NR3C2: variants seen among roughly 807,000 people sequenced by gnomAD.
NR3C2 encodes nuclear receptor subfamily 3 group C member 2.
NR3C2 carries 15 observed loss-of-function variants against 86.4 expected under a neutral mutation model. That is an observed-to-expected ratio of 0.17 (90% CI 0.12 to 0.27). The LOEUF is 0.27. Ranked by LOEUF, NR3C2 falls within the 10% of genes least tolerant of loss-of-function variation. NR3C2 has a pLI of 1.00. For synonymous variants in NR3C2, 458 were observed against 450.5 expected, an observed-to-expected ratio of 1.02 and a Z score of -0.21; for missense variants, 960 against 1,195.6, an observed-to-expected ratio of 0.80 and a Z score of 2.91.
chr4:148,330,560 T>G (rs139801700), intron 2 of NR3C2, among the ~76,000 whole-genome samples: 1,996 of 152,332 alleles, frequency 0.013, 81 homozygotes, highest in Admixed American at 0.093. Flanking sequence ...TCACTGATTT[T>G]AATAAATAAA....
chr4:148,153,889 G>T (rs1186954331), intron 5 of NR3C2, among the ~76,000 whole-genome samples: 1 of 152,062 alleles, frequency 6.6e-6, no homozygotes, highest in Admixed American at 6.6e-5. Context: ...GTTATGAGCC[G>T]CTAATAATGT....
intron 3 of NR3C2, among the ~76,000 whole-genome samples, chr4:148,228,201 T>A (rs957573578): frequency 2.6e-5 from 4 of 152,204 alleles, no homozygotes; most frequent in Admixed American, 2.6e-4. Context: ...TGATCTTCCC[T>A]GTATTTCTTT....
chr4:148,115,180 A>C (rs1732219053), intron 7 of NR3C2, among the ~76,000 whole-genome samples: 1 of 152,232 alleles, frequency 6.6e-6, no homozygotes, highest in African/African-American at 2.4e-5. Flanking sequence ...TGTGGTGGCT[A>C]GCTTTCGTAT....
intron 4 of NR3C2, 49 bp downstream of exon 4, chr4:148,194,697 T>C (rs530935298): frequency 4.1e-6 from 5 of 1,214,396 alleles, no homozygotes; most frequent in South Asian, 2.4e-5. Flanking sequence ...CTTAGTGCTG[T>C]TGCATTACCT....
At chr4:148,130,423 C>T (rs61764568) in intron 6 of NR3C2, among the ~76,000 whole-genome samples, 5 of 152,130 alleles carry the variant, frequency 3.3e-5, no homozygotes, top group Non-Finnish European at 7.3e-5. Flanking sequence ...CAACTAAATA[C>T]CTTTTAGGTA....
chr4:148,222,066 GC>G (rs1737889260), intron 3 of NR3C2, among the ~76,000 whole-genome samples: 1 of 151,868 alleles, frequency 6.6e-6, no homozygotes, highest in Non-Finnish European at 1.5e-5. Context: ...TACATAATAA[GC>G]AATAATTAAG....
At chr4:148,167,599 G>A (rs529911032) in intron 4 of NR3C2, among the ~76,000 whole-genome samples, 19 of 152,236 alleles carry the variant, frequency 1.2e-4, no homozygotes, top group African/African-American at 2.2e-4. Flanking sequence ...GAAGTATTAC[G>A]CTTAGAACTT....
chr4:148,310,376 C>T (rs2149935498), intron 2 of NR3C2, among the ~76,000 whole-genome samples: 1 of 152,282 alleles, frequency 6.6e-6, no homozygotes, highest in South Asian at 2.1e-4. Context: ...ATTTTAAGAT[C>T]AACAAATGCA....
intron 2 of NR3C2, among the ~76,000 whole-genome samples, chr4:148,318,647 T>C (rs1743360494): frequency 6.6e-6 from 1 of 152,256 alleles, no homozygotes; most frequent in Non-Finnish European, 1.5e-5. Flanking sequence ...CATTTTTTCA[T>C]GTGTTTTTTG....
At chr4:148,101,674 C>A (rs367825332) in intron 8 of NR3C2, among the ~76,000 whole-genome samples, 1 of 152,168 alleles carries the variant, frequency 6.6e-6, no homozygotes, top group African/African-American at 2.4e-5. Context: ...AATAGAGTTT[C>A]GGGATTATTT....
chr4:148,353,162 T>C (rs1015747052), intron 2 of NR3C2, among the ~76,000 whole-genome samples: 9 of 152,116 alleles, frequency 5.9e-5, no homozygotes, highest in Non-Finnish European at 4.4e-5. Flanking sequence ...TTAATCCAGA[T>C]AATATAGTAT....
intron 3 of NR3C2, among the ~76,000 whole-genome samples, chr4:148,201,916 C>T (rs188699987): frequency 1.3e-5 from 2 of 152,202 alleles, no homozygotes; most frequent in Non-Finnish European, 2.9e-5. Flanking sequence ...CACTGCGGTT[C>T]TCAGGGAGAG....
chr4:148,319,419 CA>C (rs1743423651), intron 2 of NR3C2, among the ~76,000 whole-genome samples: 1 of 152,046 alleles, frequency 6.6e-6, no homozygotes, highest in Non-Finnish European at 1.5e-5. Flanking sequence ...TGAAGAAAGG[CA>C]TTGGTAGCTT....
intron 3 of NR3C2, among the ~76,000 whole-genome samples, chr4:148,241,145 A>C (rs1158198220): frequency 6.6e-6 from 1 of 151,766 alleles, no homozygotes; most frequent in Non-Finnish European, 1.5e-5. Context: ...GTCTCTACTA[A>C]AAATACAAAA....
At chr4:148,138,678 C>T (rs971284984) in intron 6 of NR3C2, among the ~76,000 whole-genome samples, 2 of 152,154 alleles carry the variant, frequency 1.3e-5, no homozygotes, top group African/African-American at 4.8e-5. Flanking sequence ...ACCAAGATGC[C>T]CAGCCATCTC....
intron 2 of NR3C2, among the ~76,000 whole-genome samples, chr4:148,345,695 C>T (rs1210218822): frequency 1.3e-5 from 2 of 151,934 alleles, no homozygotes; most frequent in Middle Eastern, 3.4e-3. Context: ...AAAGGTTATT[C>T]GTGTGCCGGA....
rs555547678 is a variant in NR3C2 at position 148,427,614 on chromosome 4, G to A, written c.1757+7490C>T. On this transcript the variant is annotated intron_variant, in intron 2 of 8. Coordinates refer to ENST00000358102, the MANE Select transcript of NR3C2 (RefSeq NM_000901.5). ...AGCCCAGCACGGGAGTCTGTGCCTC[G>A]GTGGGATAAGGAGGGCAGCCATAGA... is the stretch of plus-strand genomic sequence containing the variant. 2.0e-4 allele frequency among the ~76,000 whole-genome samples: 31 copies of A among 151,968 alleles called. No individual in the cohort carries two copies. In the South Asian group the frequency reaches 2.3e-3, roughly 11 times the overall value.
chr4:148,231,739 G>A (rs1237370518), intron 3 of NR3C2, among the ~76,000 whole-genome samples: 1 of 152,124 alleles, frequency 6.6e-6, no homozygotes, highest in East Asian at 1.9e-4. Flanking sequence ...TCTGTAGCAT[G>A]TAATACAGAA....
chr4:148,167,360 C>T (rs747187956), intron 4 of NR3C2, among the ~76,000 whole-genome samples: 2 of 152,212 alleles, frequency 1.3e-5, no homozygotes, highest in Non-Finnish European at 2.9e-5. Flanking sequence ...TTTTAACCCT[C>T]ATAATAATTT....
Sources: gnomAD v4.1 joint callset for allele counts (sites outside exome capture counted in the v4.1 genomes callset) on GRCh38, gnomAD v4.1.1 for gene constraint, MANE v1.5 for transcripts, NCBI Gene and HGNC (gene_info 2026-07-23, HGNC 2026-07-21) for gene names.